TRIQK: variants seen among roughly 807,000 people sequenced by gnomAD.
The protein encoded by TRIQK is triple QxxK/R motif-containing protein.
Under a neutral mutation model 10.8 loss-of-function variants are expected in TRIQK, and 10 were observed. That is an observed-to-expected ratio of 0.92 (90% CI 0.57 to 1.57). The LOEUF (loss-of-function observed/expected upper bound fraction) is 1.57. Ranked by LOEUF, TRIQK falls within the 40% of genes most tolerant of loss-of-function variation. TRIQK has a pLI of 0.00. For synonymous variants in TRIQK, 33 were observed against 33.7 expected (o/e 0.98, Z 0.07); for missense variants, 107 against 97.7 (o/e 1.09, Z -0.40).
chr8:92,952,444 G>C (rs914313459), intron 2 of TRIQK, among the ~76,000 whole-genome samples: 2 of 149,196 alleles, frequency 1.3e-5, no homozygotes, highest in Admixed American at 6.7e-5. Flanking sequence ...CACACACACA[G>C]AACAGAATAC....
At chr8:92,968,755 T>C (rs1454551561), upstream of TRIQK, among the ~76,000 whole-genome samples, 1 of 152,214 alleles carries the variant, frequency 6.6e-6, no homozygotes, top group East Asian at 1.9e-4. Flanking sequence ...GTAGGTTGCC[T>C]GTTTACTCTA....
chr8:92,989,013 T>G (rs983470860), intron 1 of TRIQK, among the ~76,000 whole-genome samples: 4 of 152,118 alleles, frequency 2.6e-5, no homozygotes, highest in Non-Finnish European at 4.4e-5. Context: ...ATAAGAAAAT[T>G]AGTGGGTTAC....
intron 3 of TRIQK, among the ~76,000 whole-genome samples, chr8:92,897,979 C>T (rs920696917): frequency 2.6e-5 from 4 of 152,118 alleles, no homozygotes; most frequent in Admixed American, 1.3e-4. Flanking sequence ...CCTGCTCGTG[C>T]ACATGACCTT....
At chr8:93,010,373 G>A (rs279956) in intron 1 of TRIQK, among the ~76,000 whole-genome samples, 1 of 151,722 alleles carries the variant, frequency 6.6e-6, no homozygotes, top group African/African-American at 2.4e-5. Context: ...CATTGTACTA[G>A]ATAAGTATGT....
chr8:92,886,020 T>C lies in TRIQK; in HGVS notation c.*602A>G, dbSNP rs1470285217. The C allele has an allele frequency of 6.6e-6, 1 of 151,678 alleles. No individual in the cohort carries two copies. Among genetic ancestry groups the C allele is most frequent in the Non-Finnish European group, 1.5e-5 (1 of 67,766 alleles). The allele number at this position is 151,678 out of a possible 1,614,324, so 9.4% of individuals were successfully genotyped here. A position where few individuals can be genotyped will look rare whatever the true frequency, so the allele number is the denominator to read the frequency against. On this transcript the variant is annotated 3_prime_UTR_variant, in exon 5 of 5. Transcript: ENST00000521988. ...AAAAGAACTCTATTTTAGAGACATA[T>C]GTGACTCTTTGAGCTTCTGTCATCC...
intron 1 of TRIQK, among the ~76,000 whole-genome samples, chr8:92,995,376 T>C (rs1304460634): frequency 6.6e-6 from 1 of 152,066 alleles, no homozygotes; most frequent in African/African-American, 2.4e-5. Flanking sequence ...TTCAGGAATC[T>C]TGTCAGAATA....
intron 2 of TRIQK, among the ~76,000 whole-genome samples, chr8:92,937,583 GTT>G (rs71275489): frequency 1.5e-4 from 22 of 145,616 alleles, no homozygotes; most frequent in Admixed American, 2.7e-4. Flanking sequence ...CATCTTCTTT[GTT>G]TTTTTTTTTT....
At chr8:92,992,782 G>C (rs908979335) in intron 1 of TRIQK, among the ~76,000 whole-genome samples, 2 of 152,114 alleles carry the variant, frequency 1.3e-5, no homozygotes, top group Admixed American at 6.5e-5. Flanking sequence ...ACAGAAGACT[G>C]AGTAAAACCT....
chr8:92,921,231 T>G (rs1810166448), intron 2 of TRIQK, among the ~76,000 whole-genome samples: 1 of 151,688 alleles, frequency 6.6e-6, no homozygotes, highest in Non-Finnish European at 1.5e-5. Flanking sequence ...TTGAGATCCT[T>G]GGCTTGGAGC....
chr8:92,918,373 CCCA>C (rs1201912919), intron 2 of TRIQK, among the ~76,000 whole-genome samples: 1 of 151,910 alleles, frequency 6.6e-6, no homozygotes, highest in Non-Finnish European at 1.5e-5. Context: ...TCTCCACATC[CCCA>C]CCAACACTTG....
upstream of TRIQK, among the ~76,000 whole-genome samples, chr8:92,968,357 G>A (rs1272363379): frequency 6.6e-6 from 1 of 152,096 alleles, no homozygotes; most frequent in Non-Finnish European, 1.5e-5. Flanking sequence ...TCTGGTTCTA[G>A]ATCCTTGAGG....
At chr8:92,893,831 A>C (rs1269440024) in intron 3 of TRIQK, among the ~76,000 whole-genome samples, 1 of 147,162 alleles carries the variant, frequency 6.8e-6, no homozygotes, top group African/African-American at 2.5e-5. Context: ...GCCCTATAAT[A>C]ATCTCTTGAT....
intron 2 of TRIQK, among the ~76,000 whole-genome samples, chr8:92,942,684 C>T (rs145255640): frequency 6.6e-6 from 1 of 152,114 alleles, no homozygotes; most frequent in African/African-American, 2.4e-5. Flanking sequence ...ATTCAACATA[C>T]AAAAGTCAGT....
intron 2 of TRIQK, among the ~76,000 whole-genome samples, chr8:92,943,470 A>G (rs1385085173): frequency 6.6e-6 from 1 of 152,188 alleles, no homozygotes; most frequent in Admixed American, 6.5e-5. Flanking sequence ...TTGGCATAAA[A>G]ACAGACACAC....
chr8:92,938,398 C>A (rs1159198876), intron 2 of TRIQK, among the ~76,000 whole-genome samples: 1 of 151,984 alleles, frequency 6.6e-6, no homozygotes, highest in African/African-American at 2.4e-5. Flanking sequence ...AGTTTATATT[C>A]CTCACCCATA....
At chr8:92,984,175 T>A (rs1022225809) in intron 1 of TRIQK, among the ~76,000 whole-genome samples, 1 of 152,162 alleles carries the variant, frequency 6.6e-6, no homozygotes, top group African/African-American at 2.4e-5. Context: ...CACTCTGCCC[T>A]GTCTTCATCA....
chr8:92,904,464 T>C (rs1188189059), intron 3 of TRIQK, among the ~76,000 whole-genome samples: 1 of 152,176 alleles, frequency 6.6e-6, no homozygotes, highest in Admixed American at 6.5e-5. Context: ...TGTGATTAAT[T>C]ATATCATGGA....
At chr8:93,008,106 G>T (rs896250759) in intron 1 of TRIQK, among the ~76,000 whole-genome samples, 7 of 152,234 alleles carry the variant, frequency 4.6e-5, no homozygotes, top group African/African-American at 1.7e-4. Flanking sequence ...CCTGGACATA[G>T]GAAAGAGAAG....
At chr8:92,897,478 T>C (rs1234480481) in intron 3 of TRIQK, among the ~76,000 whole-genome samples, 1 of 152,146 alleles carries the variant, frequency 6.6e-6, no homozygotes, top group Admixed American at 6.6e-5. Flanking sequence ...CCCTCATGAA[T>C]GAATTAGTTA....
Sources: allele counts gnomAD v4.1 joint callset (sites outside exome capture counted in the v4.1 genomes callset), GRCh38; gene constraint gnomAD v4.1.1; transcripts MANE v1.5; gene names NCBI Gene and HGNC (gene_info 2026-07-23, HGNC 2026-07-21).